RABGAP1L: variants seen among roughly 807,000 people sequenced by gnomAD.
RABGAP1L encodes the protein RAB GTPase activating protein 1 like, also known as rab GTPase-activating protein 1-like.
RABGAP1L carries 63 observed loss-of-function variants against 137.7 expected under a neutral mutation model. The ratio of observed to expected loss-of-function variants is 0.46; its 90% CI spans 0.37 to 0.56. The LOEUF (loss-of-function observed/expected upper bound fraction) is 0.56, where lower values mean the gene tolerates loss of function less well. Ranked by LOEUF, RABGAP1L falls within the 20% of genes least tolerant of loss-of-function variation. RABGAP1L has a pLI of 0.00. For missense variants in RABGAP1L, 1,095 were observed against 1,244.0 expected (o/e 0.88, Z 1.80); for synonymous variants, 431 against 433.7 (o/e 0.99, Z 0.08).
At chr1:174,491,896 C>T (rs747703261) in intron 13 of RABGAP1L, among the ~76,000 whole-genome samples, 1 of 152,134 alleles carries the variant, frequency 6.6e-6, no homozygotes, top group Non-Finnish European at 1.5e-5. Context: ...GTCACAATCA[C>T]TGCATTCTTT....
chr1:174,938,032 A>C (rs1665202775), intron 19 of RABGAP1L, among the ~76,000 whole-genome samples: 1 of 134,238 alleles, frequency 7.4e-6, no homozygotes, highest in Admixed American at 7.6e-5. Context: ...ATTAATGAGT[A>C]TATTTCCCTT....
chr1:174,741,040 G>GTTTTTT (rs1234675421), intron 17 of RABGAP1L, among the ~76,000 whole-genome samples: 2 of 114,860 alleles, frequency 1.7e-5, no homozygotes, highest in Non-Finnish European at 3.4e-5. Flanking sequence ...TGATTTTTTT[G>GTTTTTT]TTTTGTTTTT....
intron 19 of RABGAP1L, chr1:174,892,397 TA>T: frequency 2.5e-6 from 1 of 396,044 alleles, no homozygotes; most frequent in Middle Eastern, 8.9e-4. Context: ...GCTCCACCAC[TA>T]TAATCCCTGG....
intron 18 of RABGAP1L, among the ~76,000 whole-genome samples, chr1:174,777,495 C>A (rs1266249362): frequency 2.6e-5 from 4 of 152,148 alleles, no homozygotes; most frequent in Non-Finnish European, 5.9e-5. Flanking sequence ...GCAAAATCAC[C>A]CCTGGTTGAG....
At chr1:174,543,843 T>C (rs1052853466) in intron 13 of RABGAP1L, among the ~76,000 whole-genome samples, 1 of 152,216 alleles carries the variant, frequency 6.6e-6, no homozygotes, top group Non-Finnish European at 1.5e-5. Context: ...TTATTTCTCC[T>C]TCACTTATGA....
rs72713568 is a variant in RABGAP1L at position 174,414,618 on chromosome 1, A to T, written c.1710+20473A>T. On this transcript the variant is annotated intron_variant, in intron 13 of 25. Transcript: ENST00000681986. ...ACTTAGTGCTCCATGATTTTTTTTT[A>T]AAGGAGAAGTGAATTGTCTGTGGCA... Among the ~76,000 whole-genome samples, 843 of 152,096 alleles carry T rather than the reference A, an allele frequency of 5.5e-3. 4 individuals carry two copies. Among genetic ancestry groups the T allele is most frequent in the Non-Finnish European group, 8.5e-3 (577 of 67,920 alleles).
chr1:174,852,027 T>G (rs1387254737), intron 19 of RABGAP1L, among the ~76,000 whole-genome samples: 2 of 152,244 alleles, frequency 1.3e-5, no homozygotes, highest in Non-Finnish European at 2.9e-5. Context: ...CAAGACTGAA[T>G]AAAGGTAGTT....
In RABGAP1L at chr1:174,351,393, G is replaced by A. The variant is rs528286615; in HGVS notation, c.1466-19586G>A. 5.9e-5 allele frequency among the ~76,000 whole-genome samples: 9 copies of A among 152,162 alleles called. No homozygotes were observed. In the East Asian group the frequency reaches 1.7e-3, roughly 29 times the overall value. Reference sequence around the variant, plus strand: ...AAAATCTCTCTGTTTTTGTTGATCTGTGCAAGACTTTATTTCTGCTTCATG... The same window carrying A: ...AAAATCTCTCTGTTTTTGTTGATCTATGCAAGACTTTATTTCTGCTTCATG... On this transcript the variant is annotated intron_variant, in intron 11 of 25. Transcript: ENST00000681986.
At chr1:174,819,565 A>T (rs1690806112) in intron 19 of RABGAP1L, among the ~76,000 whole-genome samples, 1 of 152,232 alleles carries the variant, frequency 6.6e-6, no homozygotes, top group Non-Finnish European at 1.5e-5. Flanking sequence ...CAAAGAGCAA[A>T]GGAACCTGAC....
chr1:174,913,031 A>C (rs904629732), intron 19 of RABGAP1L, among the ~76,000 whole-genome samples: 1 of 151,582 alleles, frequency 6.6e-6, no homozygotes, highest in Non-Finnish European at 1.5e-5. Context: ...GTTAGAGTGC[A>C]ATGGCACAAT....
At chr1:174,303,139 A>G (rs1241663474) in intron 10 of RABGAP1L, among the ~76,000 whole-genome samples, 1 of 150,758 alleles carries the variant, frequency 6.6e-6, no homozygotes, top group Non-Finnish European at 1.5e-5. Context: ...ATTTTTTTTC[A>G]TGTGATTTAA....
intron 13 of RABGAP1L, among the ~76,000 whole-genome samples, chr1:174,449,982 A>G (rs1655248675): frequency 6.6e-6 from 1 of 152,124 alleles, no homozygotes; most frequent in Non-Finnish European, 1.5e-5. Context: ...TAGAGCATCC[A>G]TGATGTTAAA....
chr1:174,161,043 A>G (rs1421898413), intron 1 of RABGAP1L, among the ~76,000 whole-genome samples: 1 of 152,192 alleles, frequency 6.6e-6, no homozygotes, highest in African/African-American at 2.4e-5. Flanking sequence ...ATCAAATTGT[A>G]TTAAATGTAC....
chr1:174,742,449 G>A (rs1208732506), intron 17 of RABGAP1L, among the ~76,000 whole-genome samples: 1 of 152,040 alleles, frequency 6.6e-6, no homozygotes, highest in Non-Finnish European at 1.5e-5. Context: ...CCCAGGAGGC[G>A]GAGGTTGCAG....
chr1:174,957,598 A>G (rs371340148), intron 20 of RABGAP1L, 49 bp downstream of exon 20: 7 of 1,481,880 alleles, frequency 4.7e-6, no homozygotes, highest in African/African-American at 1.4e-5. Flanking sequence ...TTTTGTTTTA[A>G]ATGAGACTGA....
At chr1:174,239,234 C>T (rs141431760) in intron 4 of RABGAP1L, among the ~76,000 whole-genome samples, 34 of 152,322 alleles carry the variant, frequency 2.2e-4, no homozygotes, top group Admixed American at 1.2e-3. Context: ...TCTTCTGCGT[C>T]GCTCACGCTG....
intron 13 of RABGAP1L, among the ~76,000 whole-genome samples, chr1:174,612,474 A>G (rs61826913): frequency 0.088 from 13,405 of 152,054 alleles, 815 homozygotes; most frequent in East Asian, 0.22. Flanking sequence ...TTTATTCAGG[A>G]TTTTTGCATC....
intron 18 of RABGAP1L, among the ~76,000 whole-genome samples, chr1:174,763,478 G>C (rs1345773308): frequency 6.6e-6 from 1 of 150,768 alleles, no homozygotes; most frequent in Non-Finnish European, 1.5e-5. Flanking sequence ...GTGAAACCCC[G>C]TCTCTACTAA....
At position 174,650,814 on chromosome 1, in the gene RABGAP1L, T is replaced by C. The variant is rs1045136192; in HGVS notation, c.1824+13326T>C. Among the ~76,000 whole-genome samples, 4 of 146,190 alleles carry C rather than the reference T, an allele frequency of 2.7e-5. No individual in the cohort carries two copies. In the South Asian group the frequency reaches 6.5e-4, roughly 24 times the overall value. On this transcript the variant is annotated intron_variant, in intron 14 of 25. Transcript: ENST00000681986. ...CTGGATTCATTAATTTTTTGAAGGG[T>C]TTTTTGTGTCTCTATTTCCTTCAGT...
Sources: gnomAD v4.1 joint callset for allele counts (sites outside exome capture counted in the v4.1 genomes callset) on GRCh38, gnomAD v4.1.1 for gene constraint, MANE v1.5 for transcripts, NCBI Gene and HGNC (gene_info 2026-07-23, HGNC 2026-07-21) for gene names.